Variants in COL23A1 observed in about 807,000 individuals in gnomAD.
COL23A1 encodes the protein collagen type XXIII alpha 1 chain.
COL23A1 carries 97 observed loss-of-function variants against 99.3 expected under a neutral mutation model. The observed-to-expected ratio is 0.98, with a 90% CI of 0.83 to 1.16. The LOEUF (loss-of-function observed/expected upper bound fraction) is 1.16. Among genes scored for constraint, COL23A1 ranks in the 50% most tolerant of loss-of-function variants. The pLI, the probability that COL23A1 is intolerant of heterozygous loss-of-function variation, is 0.00. For synonymous variants in COL23A1, 320 were observed against 308.2 expected, an observed-to-expected ratio of 1.04 and a Z score of -0.40; for missense variants, 762 against 757.4, an observed-to-expected ratio of 1.01 and a Z score of -0.07.
intron 5 of COL23A1, among the ~76,000 whole-genome samples, chr5:178,276,499 G>C (rs2127571515): frequency 6.6e-6 from 1 of 152,308 alleles, no homozygotes; most frequent in African/African-American, 2.4e-5. Context: ...AAATTACAAG[G>C]CTGGTGGGGC....
intron 25 of COL23A1, 53 bp downstream of exon 25, chr5:178,245,889 G>T: frequency 2.5e-6 from 4 of 1,600,470 alleles, no homozygotes; most frequent in Non-Finnish European, 3.4e-6. Context: ...CATGAGGGCA[G>T]AAGATACACA....
chr5:178,519,906 T>C (rs1476415407), intron 2 of COL23A1, among the ~76,000 whole-genome samples: 3 of 151,792 alleles, frequency 2.0e-5, no homozygotes, highest in Non-Finnish European at 2.9e-5. Context: ...GGTAGATGGA[T>C]GGATGAATGG....
intron 2 of COL23A1, among the ~76,000 whole-genome samples, chr5:178,321,103 T>G (rs1397458986): frequency 1.3e-5 from 2 of 152,258 alleles, no homozygotes; most frequent in African/African-American, 4.8e-5. Flanking sequence ...ACTGTATTTG[T>G]AAATTTCTAA....
In COL23A1 at chr5:178,434,651, G is replaced by C. The variant is rs1355382465; in HGVS notation, c.361+126031C>G. 1.3e-5 allele frequency among the ~76,000 whole-genome samples: 2 copies of C among 152,208 alleles called. No individual in the cohort carries two copies. The highest frequency in any genetic ancestry group is 2.9e-5 in the Non-Finnish European group (2 of 68,040). On this transcript the variant is annotated intron_variant, in intron 2 of 28. Coordinates refer to ENST00000390654, the MANE Select transcript of COL23A1 (RefSeq NM_173465.4). This position sits in a 1 kb window ranked among gnomAD's most constrained non-coding sequence, Gnocchi z 4.3. The stretch of plus-strand genomic sequence containing the variant: ...TAATCTGGAGACAGTGGGGGGCTCT[G>C]GCCCTGGTGCTGCTGAGGGAGGGAA...
chr5:178,257,747 C>G (rs1765387230), intron 12 of COL23A1, among the ~76,000 whole-genome samples, 180 bp from the exon 13 acceptor site: 1 of 152,266 alleles, frequency 6.6e-6, no homozygotes, highest in African/African-American at 2.4e-5. Flanking sequence ...AGACCCATCT[C>G]TGTGTGTCCC....
In COL23A1 at chr5:178,263,335, T is replaced by TG; in HGVS notation, c.523-12dup. 1 of 1,548,356 alleles carries TG rather than the reference T, an allele frequency of 6.5e-7. No individual in the cohort carries two copies. The highest frequency in any genetic ancestry group is 1.2e-5 in the South Asian group (1 of 85,568). The stretch of plus-strand genomic sequence containing the variant: ...TTGTCCTTGGTCTCCCTGAAAGAGA[T>TG]GGGGCTTGGCATGACTCTGAGGGGG... On this transcript the variant is annotated splice_polypyrimidine_tract_variant and intron_variant, in intron 8 of 28. Coordinates refer to ENST00000390654, the MANE Select transcript of COL23A1 (RefSeq NM_173465.4).
In COL23A1 at chr5:178,307,299, T is replaced by C. The variant is rs1236325322; in HGVS notation, c.362-380A>G. ...GACTTAGGAGGAAAGTAAGGGTGGG[T>C]TATCTTAGGAAAGCCCTGACAAACG... On this transcript the variant is annotated intron_variant, in intron 2 of 28. Transcript: ENST00000390654. This position sits in a 1 kb window ranked among gnomAD's most constrained non-coding sequence, Gnocchi z 4.2. Among the ~76,000 whole-genome samples, 4 of 152,134 alleles carry C rather than the reference T, an allele frequency of 2.6e-5. No individual in the cohort carries two copies. Among genetic ancestry groups the C allele is most frequent in the Non-Finnish European group, 5.9e-5 (4 of 68,022 alleles).
intron 2 of COL23A1, among the ~76,000 whole-genome samples, chr5:178,546,761 AC>A (rs1256165249): frequency 6.6e-6 from 1 of 152,154 alleles, no homozygotes; most frequent in Non-Finnish European, 1.5e-5. Context: ...TGTCCGTGAC[AC>A]CCGCTTCCAT....
intron 2 of COL23A1, among the ~76,000 whole-genome samples, chr5:178,324,222 G>A (rs2127633114): frequency 6.6e-6 from 1 of 152,210 alleles, no homozygotes; most frequent in African/African-American, 2.4e-5. Flanking sequence ...CAGTGGGGCT[G>A]GAGAATTTGC....
At chr5:178,391,182 C>A (rs1287945108) in intron 2 of COL23A1, among the ~76,000 whole-genome samples, 1 of 152,196 alleles carries the variant, frequency 6.6e-6, no homozygotes, top group African/African-American at 2.4e-5. Context: ...GAATCTAATG[C>A]CTCCAAAACC....
intron 2 of COL23A1, among the ~76,000 whole-genome samples, chr5:178,388,260 C>T (rs755317544): frequency 3.3e-5 from 5 of 152,158 alleles, no homozygotes; most frequent in Non-Finnish European, 7.4e-5. Context: ...CCTGATAATC[C>T]CACAGCAGAG....
intron 2 of COL23A1, among the ~76,000 whole-genome samples, chr5:178,324,979 A>G (rs1759562257): frequency 1.3e-5 from 2 of 152,216 alleles, no homozygotes; most frequent in Non-Finnish European, 2.9e-5. Flanking sequence ...CATTTTAGGC[A>G]TATTAACCAT....
intron 2 of COL23A1, among the ~76,000 whole-genome samples, chr5:178,441,810 T>C (rs981818174): frequency 6.6e-6 from 1 of 152,028 alleles, no homozygotes; most frequent in African/African-American, 2.4e-5. Flanking sequence ...TTCTGTGCCA[T>C]TTGCCCAGAT....
rs1211675417 is a variant in COL23A1 at position 178,365,013 on chromosome 5, CT to C, written c.362-58095del. Reference sequence around the variant, plus strand: ...GCCTGAATTTATTAAGCAATGGGCTCTTCCTGTCAGGCGAATAAACAGATGC... The same window carrying C: ...GCCTGAATTTATTAAGCAATGGGCTCTCCTGTCAGGCGAATAAACAGATGC... On this transcript the variant is annotated intron_variant, in intron 2 of 28. Transcript: ENST00000390654. This position sits in a 1 kb window ranked among gnomAD's most constrained non-coding sequence, Gnocchi z 5.2. Among the ~76,000 whole-genome samples, 1 of 152,172 alleles carries C rather than the reference CT, an allele frequency of 6.6e-6. No individual in the cohort carries two copies. The highest frequency in any genetic ancestry group is 1.5e-5 in the Non-Finnish European group (1 of 68,024).
intron 25 of COL23A1, among the ~76,000 whole-genome samples, chr5:178,245,337 CATCCATCA>C (rs1440386955): frequency 5.7e-5 from 8 of 140,766 alleles, no homozygotes; most frequent in Non-Finnish European, 1.1e-4. Flanking sequence ...TCCATCCATC[CATCCATCA>C]TTCATCTATT....
At position 178,255,143 on chromosome 5, in the gene COL23A1, A is replaced by G. The variant is rs1765235514; in HGVS notation, c.883-117T>C. 2.4e-6 allele frequency: 2 copies of G among 838,194 alleles called. No homozygotes were observed. 51.9% of individuals were successfully genotyped at this position (838,194 alleles called of 1,614,324 possible). On this transcript the variant is annotated intron_variant, in intron 15 of 28. Coordinates refer to ENST00000390654, the MANE Select transcript of COL23A1 (RefSeq NM_173465.4). This position sits in a 1 kb window ranked among gnomAD's most constrained non-coding sequence, Gnocchi z 4.2. ...AAGCAATGGAAGAGCCTCGTCACCC[A>G]GGCTGCACGCATGCCCCTCCCCAGG... is the stretch of plus-strand genomic sequence containing the variant.
intron 2 of COL23A1, among the ~76,000 whole-genome samples, chr5:178,394,113 A>C (rs1764105940): frequency 6.6e-6 from 1 of 152,192 alleles, no homozygotes; most frequent in South Asian, 2.1e-4. Context: ...GGAGGAAGGG[A>C]AGCTTCAGGG....
rs888210430 is a variant in COL23A1, at chr5:178,366,606, C to A, written c.362-59687G>T. ...GTGTCGGTGATCACTGTGACTAGAA[C>A]AAGTCCTCGTGTCTCTCTATGTGAG... On this transcript the variant is annotated intron_variant, in intron 2 of 28. Transcript: ENST00000390654. The surrounding 1 kb of genome is among the most constrained non-coding windows in gnomAD (Gnocchi z 4.4). Among the ~76,000 whole-genome samples the A allele has an allele frequency of 6.6e-6, 1 of 152,154 alleles. No individual in the cohort carries two copies. Among genetic ancestry groups the A allele is most frequent in the Non-Finnish European group, 1.5e-5 (1 of 68,018 alleles).
intron 3 of COL23A1, among the ~76,000 whole-genome samples, chr5:178,301,422 A>G (rs2127597178): frequency 6.6e-6 from 1 of 152,352 alleles, no homozygotes; most frequent in South Asian, 2.1e-4. Context: ...TAGCAAGTAC[A>G]TCTGGGTTTC....
Sources: gnomAD v4.1 joint callset for allele counts (sites outside exome capture counted in the v4.1 genomes callset) on GRCh38, gnomAD v4.1.1 for gene constraint, Gnocchi (gnomAD v3.1) non-coding constraint, MANE v1.5 for transcripts, NCBI Gene and HGNC (gene_info 2026-07-23, HGNC 2026-07-21) for gene names.